The following ADPRHL1 variants were observed in gnomAD, a reference collection of about 807,000 sequenced individuals.
ADPRHL1 encodes the protein ADP-ribosylhydrolase like 1, also known as inactive ADP-ribosyltransferase ARH2.
ADPRHL1 carries 43 observed loss-of-function variants against 44.1 expected under a neutral mutation model. The ratio of observed to expected loss-of-function variants is 0.98; its 90% CI spans 0.76 to 1.26. ADPRHL1 has a LOEUF of 1.26. ADPRHL1 is among the 50% of genes most tolerant of loss of function. The pLI, the probability that ADPRHL1 is intolerant of heterozygous loss-of-function variation, is 0.00. For synonymous variants in ADPRHL1, 878 were observed against 1,017.4 expected (o/e 0.86, Z 2.61); for missense variants, 2,022 against 2,496.9 (o/e 0.81, Z 4.05).
intron 7 of ADPRHL1, among the ~76,000 whole-genome samples, chr13:113,419,890 T>A (rs968051628): frequency 1.3e-5 from 2 of 152,086 alleles, no homozygotes; most frequent in African/African-American, 4.8e-5. Flanking sequence ...GTGTCTCACA[T>A]ACAGGTGGAC....
Position 113,406,085 on chromosome 13 carries a change from A to C in ADPRHL1, c.3197T>G (p.Leu1066Arg). ...TAGCAGCGGCCTTCTGCATTCCTCC[A>C]GCGCACCGGGCACTGTCATGCCCAT... The part of the protein sequence containing the change: ...TPMGMTVPGA[L>R]EECRRPLLIE... Residue 1066 changes from leucine to arginine, a missense_variant, in exon 8 of 8, where the codon CTG (leucine) becomes CGG (arginine). Leu to Arg is a moderately radical substitution (Grantham distance 102). Around this residue, in one of 8 missense-constraint regions of ADPRHL1, gnomAD observed 1,221 missense variants for 1,517.8 expected, o/e 0.80. Coordinates refer to ENST00000612156, the MANE Select transcript of ADPRHL1 (RefSeq NM_001394807.1). 1 of 1,232,134 alleles carries C rather than the reference A, an allele frequency of 8.1e-7. No individual in the cohort carries two copies. Among genetic ancestry groups the C allele is most frequent in the South Asian group, 4.1e-5 (1 of 24,328 alleles). The allele number at this position is 1,232,134 out of a possible 1,614,324, so 76.3% of individuals were successfully genotyped here. A position where few individuals can be genotyped will look rare whatever the true frequency, so the allele number is the denominator to read the frequency against.
At chr13:113,440,906 A>G (rs148734964) in intron 2 of ADPRHL1, among the ~76,000 whole-genome samples, 3,714 of 151,988 alleles carry the variant, frequency 0.024, 71 homozygotes, top group Non-Finnish European at 0.031. Flanking sequence ...TAATCCCAGC[A>G]TTTTGGGAGG....
At chr13:113,415,232 C>T (rs977773934) in intron 7 of ADPRHL1, among the ~76,000 whole-genome samples, 2 of 152,160 alleles carry the variant, frequency 1.3e-5, no homozygotes, top group African/African-American at 4.8e-5. Flanking sequence ...TCTGGAGACG[C>T]GGACCTGCCC....
At chr13:113,413,644 G>T (rs1024732788) in intron 7 of ADPRHL1, among the ~76,000 whole-genome samples, 3 of 152,218 alleles carry the variant, frequency 2.0e-5, no homozygotes, top group Non-Finnish European at 4.4e-5. Flanking sequence ...AGCCAGTGCT[G>T]CCCCTTGGGC....
intron 7 of ADPRHL1, among the ~76,000 whole-genome samples, chr13:113,408,781 T>C (rs2043827659): frequency 7.0e-6 from 1 of 141,908 alleles, no homozygotes; most frequent in African/African-American, 2.7e-5. Context: ...GCAGAAAGAG[T>C]TTCCTCACAA....
At chr13:113,437,613 C>T (rs978550550) in intron 2 of ADPRHL1, among the ~76,000 whole-genome samples, 2 of 152,326 alleles carry the variant, frequency 1.3e-5, no homozygotes, top group African/African-American at 2.4e-5. Context: ...CTCTGAGAAG[C>T]GCCCACGTTG....
chr13:113,409,198 TC>T lies in ADPRHL1; in HGVS notation c.1062-979del. 1 of 688,396 alleles carries T rather than the reference TC, an allele frequency of 1.5e-6. No homozygotes were observed. Among genetic ancestry groups the T allele is most frequent in the Non-Finnish European group, 1.8e-6 (1 of 558,716 alleles). The allele number at this position is 688,396 out of a possible 1,614,324, so 42.6% of individuals were successfully genotyped here. On this transcript the variant is annotated intron_variant, in intron 7 of 7. Coordinates refer to ENST00000612156, the MANE Select transcript of ADPRHL1 (RefSeq NM_001394807.1). This position sits in a 1 kb window ranked among gnomAD's most constrained non-coding sequence, Gnocchi z 4.2. ...GGGTCTTTGTGATTTGATGGTGTTTTCTGAGCCTGGGTCCGGGGTAAGTTCT... is the reference window on the plus strand; with the variant it reads ...GGGTCTTTGTGATTTGATGGTGTTTTTGAGCCTGGGTCCGGGGTAAGTTCT...
intron 7 of ADPRHL1, 98 bp from the exon 8 acceptor site, chr13:113,408,318 G>T: frequency 1.7e-6 from 2 of 1,190,462 alleles, no homozygotes; most frequent in Non-Finnish European, 2.1e-6. Flanking sequence ...CTTTTCAGGG[G>T]CCCCAAAAGT....
Position 113,409,350 on chromosome 13 carries a change from C to T in ADPRHL1, c.1062-1130G>A, listed in dbSNP as rs2043833815. The T allele has an allele frequency of 1.0e-6, 1 of 985,366 alleles. No homozygotes were observed. Among genetic ancestry groups the T allele is most frequent in the Non-Finnish European group, 1.2e-6 (1 of 829,900 alleles). 61.0% of individuals were successfully genotyped at this position (985,366 alleles called of 1,614,324 possible). A position where few individuals can be genotyped will look rare whatever the true frequency, so the allele number is the denominator to read the frequency against. On this transcript the variant is annotated intron_variant, in intron 7 of 7. Transcript: ENST00000612156. The surrounding 1 kb of genome is among the most constrained non-coding windows in gnomAD (Gnocchi z 4.2). ...TAGACGCACCCAGAATCTTAGCTGT[C>T]ACACCTGTTAGTCATTCATTCTAAG... is the stretch of plus-strand genomic sequence containing the variant.
At chr13:113,440,214 T>C (rs1240735269) in intron 2 of ADPRHL1, among the ~76,000 whole-genome samples, 2 of 152,230 alleles carry the variant, frequency 1.3e-5, no homozygotes, top group African/African-American at 2.4e-5. Flanking sequence ...CCTATAACTG[T>C]GGGTTTCTCT....
Position 113,399,786 on chromosome 13 carries a change from G to A in ADPRHL1, c.*3592C>T, listed in dbSNP as rs1284818529. On this transcript the variant is annotated 3_prime_UTR_variant, in exon 8 of 8. Coordinates refer to ENST00000612156, the MANE Select transcript of ADPRHL1 (RefSeq NM_001394807.1). The stretch of plus-strand genomic sequence containing the variant: ...AGAACAAATTTAATAAATAGCTGTA[G>A]CCTAATACACAACCGAAAGACCGTA... 6.6e-6 allele frequency: 1 copy of A among 151,996 alleles called. No homozygotes were observed. Among genetic ancestry groups the A allele is most frequent in the Non-Finnish European group, 1.5e-5 (1 of 67,964 alleles). The allele number at this position is 151,996 out of a possible 1,614,324, so 9.4% of individuals were successfully genotyped here. A position where few individuals can be genotyped will look rare whatever the true frequency, so the allele number is the denominator to read the frequency against.
In ADPRHL1 at chr13:113,441,229, TCTGA is replaced by T. The variant is rs1367362674; in HGVS notation, c.379+3192_379+3195del. On this transcript the variant is annotated intron_variant, in intron 2 of 7. Transcript: ENST00000612156. This position sits in a 1 kb window ranked among gnomAD's most constrained non-coding sequence, Gnocchi z 6.0. The stretch of plus-strand genomic sequence containing the variant: ...TGCTTCTTTATCTAATGTGACAACT[TCTGA>T]CTGTTATTGGGGGTCTTCACACCAT... 6.6e-6 allele frequency among the ~76,000 whole-genome samples: 1 copy of T among 152,206 alleles called. No individual in the cohort carries two copies. The highest frequency in any genetic ancestry group is 1.5e-5 in the Non-Finnish European group (1 of 68,042).
At chr13:113,425,233 G>T in intron 4 of ADPRHL1, 54 bp from the exon 5 acceptor site, 1 of 1,544,600 alleles carries the variant, frequency 6.5e-7, no homozygotes. Flanking sequence ...GGAGTGGGGC[G>T]GGTGCAGGGA....
At position 113,405,507 on chromosome 13, in the gene ADPRHL1, T is replaced by C. The variant is rs1595535522; in HGVS notation, c.3775A>G (p.Thr1259Ala). Reference sequence around the variant, plus strand: ...TCAGAAGCAGGAATTCCAGACTCTGTGCTGAAACCCAAAAGGTTTCCTTCC... The same window carrying C: ...TCAGAAGCAGGAATTCCAGACTCTGCGCTGAAACCCAAAAGGTTTCCTTCC... ...AVEGNLLGFSTESGIPASDHP... is the reference protein window; with the variant it reads ...AVEGNLLGFSAESGIPASDHP... Residue 1259 changes from threonine (T) to alanine (A), a missense_variant, in exon 8 of 8, where the codon ACA (threonine) becomes GCA (alanine). Around this residue, in one of 8 missense-constraint regions of ADPRHL1, gnomAD observed 1,221 missense variants for 1,517.8 expected, o/e 0.80. Coordinates refer to ENST00000612156, the MANE Select transcript of ADPRHL1 (RefSeq NM_001394807.1). 9 of 1,232,106 alleles carry C rather than the reference T, an allele frequency of 7.3e-6. No individual in the cohort carries two copies. The East Asian group carries it at 2.8e-4, about 39-fold the overall frequency. 76.3% of individuals were successfully genotyped at this position (1,232,106 alleles called of 1,614,324 possible).
At position 113,424,199 on chromosome 13, in the gene ADPRHL1, C is replaced by T; in HGVS notation, c.907+18G>A. ...GTGCTACCCTCCAGGAAGCCACGGC[C>T]ATTAAGGAACATCTCACCTCCATGA... On this transcript the variant is annotated intron_variant, in intron 6 of 7. Coordinates refer to ENST00000612156, the MANE Select transcript of ADPRHL1 (RefSeq NM_001394807.1). The T allele has an allele frequency of 2.5e-6, 4 of 1,612,256 alleles. No individual in the cohort carries two copies. Among genetic ancestry groups the T allele is most frequent in the Non-Finnish European group, 3.4e-6 (4 of 1,179,618 alleles).
rs961742065 is a variant in ADPRHL1 at position 113,406,365 on chromosome 13, C to A, written c.2917G>T (p.Asp973Tyr). The A allele has an allele frequency of 8.1e-7, 1 of 1,232,086 alleles. No individual in the cohort carries two copies. Among genetic ancestry groups the A allele is most frequent in the African/African-American group, 1.5e-5 (1 of 64,558 alleles). The allele number at this position is 1,232,086 out of a possible 1,614,324, so 76.3% of individuals were successfully genotyped here. A position where few individuals can be genotyped will look rare whatever the true frequency, so the allele number is the denominator to read the frequency against. ...ENSHGPRNPD[D>Y]ISGERTSELR... ...TCAGAGGTCCTCTCTCCTGAAATAT[C>A]GTCAGGATTCCTGGGACCGTGTGAA... Residue 973 changes from aspartate to tyrosine, a missense_variant, in exon 8 of 8, where the codon GAT (aspartate) becomes TAT (tyrosine). By Grantham distance (160) the Asp-to-Tyr change is radical. Coordinates refer to ENST00000612156, the MANE Select transcript of ADPRHL1 (RefSeq NM_001394807.1).
In ADPRHL1 at chr13:113,444,423, AC is replaced by A; in HGVS notation, c.379+1del. 5 of 1,613,518 alleles carry A rather than the reference AC, an allele frequency of 3.1e-6. No individual in the cohort carries two copies. Among genetic ancestry groups the A allele is most frequent in the Non-Finnish European group, 4.2e-6 (5 of 1,179,514 alleles). On this transcript the variant is annotated splice_donor_variant, in intron 2 of 7. Coordinates refer to ENST00000612156, the MANE Select transcript of ADPRHL1 (RefSeq NM_001394807.1). LOFTEE classifies it high-confidence loss of function. The stretch of plus-strand genomic sequence containing the variant: ...AGGGGGAGAGGAGAGGATTTCCCTG[AC>A]CTTTTTCATTGAACGGTGTGTGCCA...
At chr13:113,444,893 G>A (rs1426910113) in intron 1 of ADPRHL1, among the ~76,000 whole-genome samples, 2 of 152,132 alleles carry the variant, frequency 1.3e-5, no homozygotes, top group East Asian at 3.9e-4. Flanking sequence ...AAAGTGCTGG[G>A]ATTACAGGCG....
rs942267409 is a variant in ADPRHL1 at position 113,409,994 on chromosome 13, A to G, written c.1062-1774T>C. The G allele has an allele frequency of 4.1e-6, 4 of 985,262 alleles. No homozygotes were observed. In the African/African-American group the frequency reaches 7.0e-5, roughly 17 times the overall value. The allele number at this position is 985,262 out of a possible 1,614,324, so 61.0% of individuals were successfully genotyped here. On this transcript the variant is annotated intron_variant, in intron 7 of 7. Coordinates refer to ENST00000612156, the MANE Select transcript of ADPRHL1 (RefSeq NM_001394807.1). The surrounding 1 kb of genome is among the most constrained non-coding windows in gnomAD (Gnocchi z 4.2). ...TTGTGTTTGTCTGCATTTTTCCAAA[A>G]GAGAGAGCTCTGTTTTGAAGCCATG...
Sources: allele counts gnomAD v4.1 joint callset (sites outside exome capture counted in the v4.1 genomes callset), GRCh38; gene constraint gnomAD v4.1.1; regional missense constraint gnomAD v4.1.1; non-coding constraint Gnocchi (gnomAD v3.1); transcripts MANE v1.5; gene names NCBI Gene and HGNC (gene_info 2026-07-23, HGNC 2026-07-21).